The following SSBP3 variants were observed in gnomAD, a reference collection of about 807,000 sequenced individuals.
The protein encoded by SSBP3 is single-stranded DNA-binding protein 3.
A neutral mutation model predicts 69.6 loss-of-function variants in SSBP3; 5 were observed. The ratio of observed to expected loss-of-function variants is 0.07; its 90% CI spans 0.04 to 0.15. The LOEUF (loss-of-function observed/expected upper bound fraction) is 0.15, where lower values mean the gene tolerates loss of function less well. Ranked by LOEUF, SSBP3 falls within the 10% of genes least tolerant of loss-of-function variation. The pLI is 1.00. For synonymous variants in SSBP3, 196 were observed against 193.4 expected (o/e 1.01, Z -0.11); for missense variants, 312 against 534.0 (o/e 0.58, Z 4.10).
chr1:54,353,686 C>G (rs909157397), intron 4 of SSBP3, among the ~76,000 whole-genome samples: 11 of 152,174 alleles, frequency 7.2e-5, no homozygotes, highest in African/African-American at 2.7e-4. Flanking sequence ...GCTGGCCTGC[C>G]CCATCCTACT....
At chr1:54,323,288 AC>A (rs2100391019) in intron 4 of SSBP3, among the ~76,000 whole-genome samples, 1 of 151,142 alleles carries the variant, frequency 6.6e-6, no homozygotes, top group Admixed American at 6.6e-5. Context: ...GCACAAGATA[AC>A]AGATACTTTT....
intron 3 of SSBP3, among the ~76,000 whole-genome samples, chr1:54,403,301 T>C (rs1277947255): frequency 6.6e-6 from 1 of 152,212 alleles, no homozygotes. Context: ...TTCTGTCTTC[T>C]GGAACTGTAC....
rs1646183682 is a variant in SSBP3 at position 54,319,939 on chromosome 1, C to G, written c.277-38412G>C. On this transcript the variant is annotated intron_variant, in intron 4 of 17. Coordinates refer to ENST00000610401, the Ensembl canonical transcript of SSBP3. ...ACTGGCTTCAAACTCACTGTCTAGA[C>G]AGACTTCACGATTTTTCAAGATTTG... is the stretch of plus-strand genomic sequence containing the variant. Among the ~76,000 whole-genome samples, 3 of 152,174 alleles carry G rather than the reference C, an allele frequency of 2.0e-5. No individual in the cohort carries two copies. The South Asian group carries it at 6.2e-4, about 32-fold the overall frequency.
At chr1:54,301,200 T>C (rs574130125) in intron 4 of SSBP3, among the ~76,000 whole-genome samples, 2 of 152,328 alleles carry the variant, frequency 1.3e-5, no homozygotes, top group African/African-American at 4.8e-5. Flanking sequence ...ATGCCCATAA[T>C]ATTAATTCTC....
exon 1 of SSBP3, chr1:54,406,083 T>A: frequency 5.0e-6 from 6 of 1,208,948 alleles, no homozygotes; most frequent in South Asian, 4.7e-5. Context: ...TCTCCCGAGC[T>A]GCCCCTCGCT....
chr1:54,304,002 G>C (rs1645850963), intron 4 of SSBP3, among the ~76,000 whole-genome samples: 1 of 152,192 alleles, frequency 6.6e-6, no homozygotes, highest in Admixed American at 6.5e-5. Flanking sequence ...CGTGTTTGCA[G>C]AACGAATGAT....
Position 54,253,195 on chromosome 1 carries a change from T to G in SSBP3, c.508-1335A>C, listed in dbSNP as rs557992083. ...TTTTGTTTTTTTTTTAGTTTTTGTT[T>G]TTTTTTTTTTTTAAGACAGGGTCGC... On this transcript the variant is annotated intron_variant, in intron 7 of 17. Coordinates refer to ENST00000610401, the Ensembl canonical transcript of SSBP3. Among the ~76,000 whole-genome samples, 30 of 149,548 alleles carry G rather than the reference T, an allele frequency of 2.0e-4. No individual in the cohort carries two copies. In the East Asian group the frequency reaches 4.3e-3, roughly 21 times the overall value.
intron 13 of SSBP3, 82 bp from the exon 14 acceptor site, chr1:54,239,281 CT>C (rs1292453836): frequency 1.2e-5 from 13 of 1,129,202 alleles, no homozygotes; most frequent in Non-Finnish European, 1.5e-5. Flanking sequence ...GGAACTCATT[CT>C]TTTGTATTTT....
At chr1:54,356,713 G>A (rs1646873787) in intron 4 of SSBP3, 1 of 152,282 alleles carries the variant, frequency 6.6e-6, no homozygotes, top group Admixed American at 6.5e-5. Context: ...GACATCCAAA[G>A]GGGGCCAAGC....
chr1:54,373,593 A>G (rs1647171149), intron 4 of SSBP3, among the ~76,000 whole-genome samples: 1 of 151,884 alleles, frequency 6.6e-6, no homozygotes, highest in Admixed American at 6.6e-5. Context: ...GTGAAACCCC[A>G]TCTCTATAAA....
chr1:54,407,827 C>A (rs1359621651), upstream of SSBP3, among the ~76,000 whole-genome samples: 1 of 148,862 alleles, frequency 6.7e-6, no homozygotes, highest in Non-Finnish European at 1.5e-5. Context: ...TAACATGCCT[C>A]GCACCAAACA....
chr1:54,347,827 T>C (rs940413017), intron 4 of SSBP3, among the ~76,000 whole-genome samples: 1 of 152,224 alleles, frequency 6.6e-6, no homozygotes, highest in African/African-American at 2.4e-5. Flanking sequence ...TCTAGAACCT[T>C]CAGAGGGCAT....
At position 54,386,683 on chromosome 1, in the gene SSBP3, CTTTTTT is replaced by C. The variant is rs58429798; in HGVS notation, c.276+15172_276+15177del. Among the ~76,000 whole-genome samples the C allele has an allele frequency of 2.6e-4, 20 of 76,100 alleles. 2 individuals are homozygous for C. The highest frequency in any genetic ancestry group is 9.6e-4 in the Admixed American group (6 of 6,258). 49.9% of individuals were successfully genotyped at this position (76,100 alleles called of 152,430 possible). On this transcript the variant is annotated intron_variant, in intron 4 of 17. Coordinates refer to ENST00000610401, the Ensembl canonical transcript of SSBP3. ...ATCCACAATGTATAAACTGATCCTA[CTTTTTT>C]TTTTTTTTTTTTTTTAAGAGATGGA...
intron 9 of SSBP3, among the ~76,000 whole-genome samples, chr1:54,244,998 C>A (rs1434824059): frequency 6.6e-6 from 1 of 152,150 alleles, no homozygotes; most frequent in Admixed American, 6.5e-5. Flanking sequence ...TCATATACCC[C>A]CCACCCCATG....
upstream of SSBP3, among the ~76,000 whole-genome samples, chr1:54,408,076 T>G (rs1273778582): frequency 6.6e-6 from 1 of 152,128 alleles, no homozygotes; most frequent in East Asian, 1.9e-4. Context: ...ACAACCTCCC[T>G]AAATTAGAGT....
chr1:54,241,362 C>G (rs1458537525), intron 12 of SSBP3, 112 bp downstream of exon 12: 2 of 1,212,092 alleles, frequency 1.7e-6, no homozygotes, highest in African/African-American at 3.0e-5. Context: ...AGTTTGGAAC[C>G]TCTGCTCAGA....
intron 4 of SSBP3, among the ~76,000 whole-genome samples, chr1:54,303,007 G>A (rs957553919): frequency 6.6e-6 from 1 of 152,212 alleles, no homozygotes; most frequent in Non-Finnish European, 1.5e-5. Context: ...AGACGAGACA[G>A]ACACGTGAAA....
chr1:54,259,746 A>G (rs1053495460), intron 5 of SSBP3, among the ~76,000 whole-genome samples: 10 of 152,154 alleles, frequency 6.6e-5, no homozygotes. Context: ...GGGGCTGTAC[A>G]AGAACCCGAG....
Position 54,340,281 on chromosome 1 carries a change from G to A in SSBP3, c.277-58754C>T, listed in dbSNP as rs1005037711. On this transcript the variant is annotated intron_variant, in intron 4 of 17. Transcript: ENST00000610401. The stretch of plus-strand genomic sequence containing the variant: ...CTCTAAAGGTAGCTTGTCTCTTTTC[G>A]GCTGCAGTAATATTTGCAAAGGGAG... Among the ~76,000 whole-genome samples the A allele has an allele frequency of 3.3e-5, 5 of 152,152 alleles. No individual in the cohort carries two copies. The East Asian group carries it at 5.8e-4, about 18-fold the overall frequency.
Sources: gnomAD v4.1 joint callset for allele counts (sites outside exome capture counted in the v4.1 genomes callset) on GRCh38, gnomAD v4.1.1 for gene constraint, MANE v1.5 for transcripts, NCBI Gene and HGNC (gene_info 2026-07-23, HGNC 2026-07-21) for gene names.